The following AKT3 variants were observed in gnomAD, a reference collection of about 807,000 sequenced individuals.
AKT3 encodes the protein AKT serine/threonine kinase 3.
AKT3 carries 15 observed loss-of-function variants against 65.3 expected under a neutral mutation model. The observed-to-expected ratio is 0.23, with a 90% confidence interval of 0.15 to 0.35. AKT3 has a LOEUF of 0.35. Ranked by LOEUF, AKT3 falls within the 10% of genes least tolerant of loss-of-function variation. The pLI is 1.00. For missense variants in AKT3, 243 were observed against 576.5 expected (o/e 0.42, Z 5.92); for synonymous variants, 206 against 183.8 (o/e 1.12, Z -0.98).
chr1:243,797,885 T>G (rs998609914), intron 2 of AKT3, among the ~76,000 whole-genome samples: 11 of 148,656 alleles, frequency 7.4e-5, no homozygotes, highest in African/African-American at 2.7e-4. Context: ...AAAACAGTTT[T>G]TCTTTTTTTT....
chr1:243,540,906 G>A (rs1574569322), intron 12 of AKT3, among the ~76,000 whole-genome samples: 1 of 152,134 alleles, frequency 6.6e-6, no homozygotes, highest in Non-Finnish European at 1.5e-5. Context: ...TCTTGGAGGA[G>A]AGCACTTCAA....
chr1:243,567,869 A>G (rs1674283722), intron 9 of AKT3, among the ~76,000 whole-genome samples: 2 of 152,202 alleles, frequency 1.3e-5, no homozygotes, highest in Admixed American at 1.3e-4. Context: ...GCATTAACAG[A>G]GTTTCTGTAA....
intron 2 of AKT3, among the ~76,000 whole-genome samples, chr1:243,746,203 GT>G (rs982368163): frequency 2.0e-5 from 3 of 151,736 alleles, no homozygotes; most frequent in African/African-American, 7.3e-5. Flanking sequence ...GTCTCCGTAT[GT>G]TTTTTTCAAT....
intron 8 of AKT3, among the ~76,000 whole-genome samples, chr1:243,574,744 A>G (rs2148511409): frequency 6.6e-6 from 1 of 152,288 alleles, no homozygotes; most frequent in South Asian, 2.1e-4. Flanking sequence ...AGGTTAAAAT[A>G]ATTTCTGCCA....
chr1:243,506,484 C>G lies in AKT3; in HGVS notation c.1355-1150G>C, dbSNP rs1574499273. On this transcript the variant is annotated intron_variant, in intron 13 of 13. Coordinates refer to ENST00000673466, the MANE Select transcript of AKT3 (RefSeq NM_005465.7). ...AGCATACAGGCCAGATCCCACTGCA[C>G]TGAGGCTCTGACTCTGTCACTCCGA... Among the ~76,000 whole-genome samples the G allele has an allele frequency of 2.0e-5, 3 of 152,384 alleles. No homozygotes were observed. In the East Asian group the frequency reaches 5.8e-4, roughly 29 times the overall value.
Position 243,849,645 on chromosome 1 carries a change from C to T in AKT3, c.-113+395G>A, listed in dbSNP as rs1695674622. Among the ~76,000 whole-genome samples, 3 of 151,600 alleles carry T rather than the reference C, an allele frequency of 2.0e-5. No homozygotes were observed. In the South Asian group the frequency reaches 6.2e-4, roughly 32 times the overall value. ...GGCGCCCCCTCCCCACGCCGCGCGG[C>T]CCGGGCGGGGAGGGGCGAGGGGAAG... On this transcript the variant is annotated intron_variant, in intron 1 of 13. Transcript: ENST00000673466.
At chr1:243,766,376 CT>C (rs1689825852) in intron 2 of AKT3, among the ~76,000 whole-genome samples, 2 of 152,016 alleles carry the variant, frequency 1.3e-5, no homozygotes, top group Non-Finnish European at 2.9e-5. Flanking sequence ...GCAATTAGTC[CT>C]ATGATGGAAA....
chr1:243,757,448 T>C (rs1486152667), intron 2 of AKT3, among the ~76,000 whole-genome samples: 1 of 152,068 alleles, frequency 6.6e-6, no homozygotes, highest in Non-Finnish European at 1.5e-5. Flanking sequence ...TGAAACCCCA[T>C]CTCTACTAAA....
At chr1:243,607,271 C>T (rs923861154) in intron 8 of AKT3, among the ~76,000 whole-genome samples, 2 of 152,228 alleles carry the variant, frequency 1.3e-5, no homozygotes, top group African/African-American at 4.8e-5. Context: ...AGACACTCAA[C>T]ACCAGCCCAT....
chr1:243,791,643 T>C (rs1031441008), intron 2 of AKT3, among the ~76,000 whole-genome samples: 2 of 152,218 alleles, frequency 1.3e-5, no homozygotes, highest in Non-Finnish European at 2.9e-5. Context: ...GGATAAATGG[T>C]GAAGAAATCT....
At chr1:243,795,662 G>A (rs559547493) in intron 2 of AKT3, among the ~76,000 whole-genome samples, 45 of 150,724 alleles carry the variant, frequency 3.0e-4, no homozygotes, top group Admixed American at 1.5e-3. Context: ...TAGTAGAGAC[G>A]GGGTTTCACC....
chr1:243,635,789 C>CA (rs1317800427), intron 6 of AKT3, among the ~76,000 whole-genome samples: 1 of 151,972 alleles, frequency 6.6e-6, no homozygotes, highest in Non-Finnish European at 1.5e-5. Context: ...AAAAAGATAT[C>CA]AAAATCATTT....
At chr1:243,714,381 G>A (rs1686364053) in intron 2 of AKT3, among the ~76,000 whole-genome samples, 1 of 152,124 alleles carries the variant, frequency 6.6e-6, no homozygotes, top group Non-Finnish European at 1.5e-5. Flanking sequence ...AAACACTAAT[G>A]AATACAAGTT....
downstream of AKT3, chr1:243,499,645 T>C: frequency 2.3e-6 from 2 of 888,746 alleles, no homozygotes; most frequent in South Asian, 1.4e-5. Context: ...AACAGGTTTT[T>C]TTCTCCAACA....
In AKT3 at chr1:243,768,469, T is replaced by C. The variant is rs148808912; in HGVS notation, c.47-72753A>G. Among the ~76,000 whole-genome samples the C allele has an allele frequency of 2.0e-3, 309 of 152,326 alleles. 1 individual carries two copies. Among genetic ancestry groups the C allele is most frequent in the African/African-American group, 7.0e-3 (292 of 41,580 alleles). On this transcript the variant is annotated intron_variant, in intron 2 of 13. Transcript: ENST00000673466. ...CACACAGTAGGTCAAAATGTCATTCTGTATACTCCTACAGAACCCTTCTCT... is the reference window on the plus strand; with the variant it reads ...CACACAGTAGGTCAAAATGTCATTCCGTATACTCCTACAGAACCCTTCTCT...
downstream of AKT3, among the ~76,000 whole-genome samples, chr1:243,497,567 CA>C (rs1401901382): frequency 6.9e-3 from 1,053 of 152,292 alleles, 19 homozygotes; most frequent in African/African-American, 0.024. Context: ...GTTTCTGGAA[CA>C]GCTCCGATAG....
chr1:243,731,315 T>C (rs1007087206), intron 2 of AKT3, among the ~76,000 whole-genome samples: 1 of 152,158 alleles, frequency 6.6e-6, no homozygotes, highest in African/African-American at 2.4e-5. Flanking sequence ...TCACCAATAA[T>C]AAGGCAATAG....
chr1:243,846,595 A>G (rs1025338813), intron 1 of AKT3, among the ~76,000 whole-genome samples: 2 of 152,192 alleles, frequency 1.3e-5, no homozygotes, highest in African/African-American at 4.8e-5. Flanking sequence ...ATCTAATTTG[A>G]TTAAAGACTA....
At chr1:243,634,515 A>G (rs320331) in intron 6 of AKT3, among the ~76,000 whole-genome samples, 126,002 of 151,584 alleles carry the variant, frequency 0.83, 52,493 homozygotes, top group Middle Eastern at 0.86. Context: ...TGTGATGCAT[A>G]TGGTCTCTCT....
Sources: gnomAD v4.1 joint callset for allele counts (sites outside exome capture counted in the v4.1 genomes callset) on GRCh38, gnomAD v4.1.1 for gene constraint, MANE v1.5 for transcripts, NCBI Gene and HGNC (gene_info 2026-07-23, HGNC 2026-07-21) for gene names.